The following DSCAM variants were observed in gnomAD, a reference collection of about 807,000 sequenced individuals.
DSCAM encodes the protein DS cell adhesion molecule.
DSCAM carries 47 observed loss-of-function variants against 217.7 expected under a neutral mutation model. The observed-to-expected ratio is 0.22, with a 90% CI of 0.17 to 0.28. The LOEUF is 0.28. Ranked by LOEUF, DSCAM falls within the 10% of genes least tolerant of loss-of-function variation. The pLI is 1.00. For missense variants in DSCAM, 2,080 were observed against 2,618.3 expected (o/e 0.79, Z 4.49); for synonymous variants, 1,056 against 1,015.3 (o/e 1.04, Z -0.76).
In DSCAM at chr21:40,189,110, T is replaced by A. The variant is rs1305530849; in HGVS notation, c.2485A>T (p.Asn829Tyr). Residue 829 changes from asparagine (N) to tyrosine (Y), a missense_variant, in exon 12 of 33, where the codon AAC (asparagine) becomes TAC (tyrosine). By Grantham distance (143) the Asn-to-Tyr change is moderately radical. Coordinates refer to ENST00000400454, the MANE Select transcript of DSCAM (RefSeq NM_001389.5). ...VRWEKEDRIINPEMARYLVST... is the reference protein window; with the variant it reads ...VRWEKEDRIIYPEMARYLVST... ...ACAAGATAACGGGCCATCTCAGGGT[T>A]AATGATTCGGTCCTCCTTCTCCCAG... The A allele has an allele frequency of 6.2e-7, 1 of 1,614,186 alleles. No individual in the cohort carries two copies.
chr21:40,151,770 G>C (rs962585655), intron 16 of DSCAM, among the ~76,000 whole-genome samples: 1 of 151,744 alleles, frequency 6.6e-6, no homozygotes, highest in African/African-American at 2.4e-5. Flanking sequence ...GTGACAGCCG[G>C]GAAGTGTGGA....
intron 20 of DSCAM, among the ~76,000 whole-genome samples, chr21:40,103,086 T>C (rs1028240746): frequency 1.3e-5 from 2 of 152,192 alleles, no homozygotes; most frequent in Admixed American, 6.5e-5. Flanking sequence ...TAGAAATGAT[T>C]TGAGTACGAT....
chr21:40,389,370 T>A (rs994461087), intron 3 of DSCAM, among the ~76,000 whole-genome samples: 7 of 152,186 alleles, frequency 4.6e-5, no homozygotes, highest in African/African-American at 1.4e-4. Context: ...AAAAAACAGC[T>A]AATGTTCTAA....
chr21:40,760,263 A>G (rs2091319761), intron 1 of DSCAM, among the ~76,000 whole-genome samples: 1 of 152,034 alleles, frequency 6.6e-6, no homozygotes, highest in African/African-American at 2.4e-5. Context: ...TGATCTGCCC[A>G]CCATGGCCTC....
intron 3 of DSCAM, among the ~76,000 whole-genome samples, chr21:40,603,497 T>C (rs1389994202): frequency 3.9e-5 from 6 of 152,206 alleles, no homozygotes; most frequent in African/African-American, 1.4e-4. Context: ...CATTTATTCC[T>C]ACGAAGCTCC....
intron 11 of DSCAM, among the ~76,000 whole-genome samples, chr21:40,242,101 T>C (rs895318774): frequency 1.3e-5 from 2 of 151,632 alleles, no homozygotes; most frequent in Admixed American, 6.6e-5. Flanking sequence ...CCCAGTGATA[T>C]GTGTTTACCT....
intron 11 of DSCAM, among the ~76,000 whole-genome samples, chr21:40,214,735 CA>C (rs1209648217): frequency 0.2 from 13,405 of 67,862 alleles, 1,417 homozygotes; most frequent in African/African-American, 0.36. Flanking sequence ...GCAACAACAG[CA>C]AAAAAAAAAA....
chr21:40,068,130 T>C (rs1230646624), intron 27 of DSCAM, among the ~76,000 whole-genome samples: 2 of 152,144 alleles, frequency 1.3e-5, no homozygotes, highest in Non-Finnish European at 2.9e-5. Flanking sequence ...AATCTAGTGA[T>C]ATTAAAATGT....
chr21:40,539,831 G>A lies in DSCAM; in HGVS notation c.508+152979C>T, dbSNP rs564173076. Among the ~76,000 whole-genome samples, 4 of 152,252 alleles carry A rather than the reference G, an allele frequency of 2.6e-5. No homozygotes were observed. The South Asian group carries it at 8.3e-4, about 32-fold the overall frequency. ...AAGCATAGTCTCTATATGCAGATAA[G>A]ACCCAGGGCATTCCTGGTGTGTCTC... On this transcript the variant is annotated intron_variant, in intron 3 of 32. Transcript: ENST00000400454.
chr21:40,808,547 C>T (rs552895313), intron 1 of DSCAM, among the ~76,000 whole-genome samples: 15 of 150,710 alleles, frequency 1.0e-4, no homozygotes, highest in African/African-American at 3.7e-4. Context: ...GATCACAGCA[C>T]ACTGCAGCCT....
chr21:40,119,606 T>A (rs1035721272), intron 20 of DSCAM, among the ~76,000 whole-genome samples: 32 of 151,766 alleles, frequency 2.1e-4, no homozygotes, highest in African/African-American at 7.8e-4. Flanking sequence ...AGGAAGAATA[T>A]TGGGAAATGC....
intron 1 of DSCAM, among the ~76,000 whole-genome samples, chr21:40,809,561 G>T (rs148583150): frequency 3.3e-5 from 5 of 152,276 alleles, no homozygotes; most frequent in African/African-American, 1.2e-4. Context: ...TCAGAAGTAG[G>T]TAAGTGGCTA....
intron 3 of DSCAM, among the ~76,000 whole-genome samples, chr21:40,515,193 A>G (rs2146072051): frequency 6.6e-6 from 1 of 152,358 alleles, no homozygotes; most frequent in Non-Finnish European, 1.5e-5. Context: ...GAAAAAATAA[A>G]AATAACTTTT....
At position 40,319,201 on chromosome 21, in the gene DSCAM, G is replaced by A. The variant is rs185860647; in HGVS notation, c.1784-6842C>T. ...ATTTACATCTTTTGAATTATTTAAGGTGTACTCAAATGAGAAGTATACCTC... is the reference window on the plus strand; with the variant it reads ...ATTTACATCTTTTGAATTATTTAAGATGTACTCAAATGAGAAGTATACCTC... On this transcript the variant is annotated intron_variant, in intron 8 of 32. Transcript: ENST00000400454. 5.3e-5 allele frequency among the ~76,000 whole-genome samples: 8 copies of A among 152,212 alleles called. No individual in the cohort carries two copies. The East Asian group carries it at 1.5e-3, about 29-fold the overall frequency.
Position 40,189,211 on chromosome 21 carries a change from T to C in DSCAM, c.2384A>G (p.Asn795Ser). The change falls in exon 12 of 33, where the codon AAT becomes AGT. Residue 795 changes from asparagine (N) to serine (S), a missense_variant. Around this residue, in one of 5 missense-constraint regions of DSCAM, gnomAD observed 218 missense variants for 364.1 expected, o/e 0.60. Transcript: ENST00000400454. ...KIPAMITSYP[N>S]TTLATQGQKK... ...CTGCCCCTGCGTGGCCAGGGTAGTA[T>C]TTGGATAGGATGTTATCATCGCAGG... 1 of 1,608,046 alleles carries C rather than the reference T, an allele frequency of 6.2e-7. No homozygotes were observed. Among genetic ancestry groups the C allele is most frequent in the African/African-American group, 1.3e-5 (1 of 74,744 alleles).
chr21:40,595,146 G>A (rs1214570923), intron 3 of DSCAM, among the ~76,000 whole-genome samples: 2 of 152,140 alleles, frequency 1.3e-5, no homozygotes, highest in African/African-American at 2.4e-5. Context: ...GGGAGGCTGA[G>A]GTAGGTGAAT....
At chr21:40,781,992 C>CA (rs57750960) in intron 1 of DSCAM, among the ~76,000 whole-genome samples, 11,434 of 106,266 alleles carry the variant, frequency 0.11, 803 homozygotes, top group African/African-American at 0.14. Context: ...ACTAAAAATA[C>CA]AAAAAAAAAA....
intron 3 of DSCAM, among the ~76,000 whole-genome samples, chr21:40,464,674 G>T (rs2075830102): frequency 6.6e-6 from 1 of 151,578 alleles, no homozygotes; most frequent in African/African-American, 2.4e-5. Context: ...ACCCTGTTCA[G>T]TCCCAAGTGC....
At chr21:40,551,707 T>C (rs866088140) in intron 3 of DSCAM, among the ~76,000 whole-genome samples, 1 of 152,212 alleles carries the variant, frequency 6.6e-6, no homozygotes, top group Non-Finnish European at 1.5e-5. Flanking sequence ...TTATCTGTTA[T>C]GTGATATTAT....
Sources: allele counts gnomAD v4.1 joint callset (sites outside exome capture counted in the v4.1 genomes callset), GRCh38; gene constraint gnomAD v4.1.1; regional missense constraint gnomAD v4.1.1; transcripts MANE v1.5; gene names NCBI Gene and HGNC (gene_info 2026-07-23, HGNC 2026-07-21).